Variants in SPTBN1 observed in about 807,000 individuals in gnomAD.
SPTBN1 encodes the protein spectrin beta chain, non-erythrocytic 1.
SPTBN1 carries 32 observed loss-of-function variants against 266.4 expected under a neutral mutation model. The ratio of observed to expected loss-of-function variants is 0.12; its 90% CI spans 0.09 to 0.16. The LOEUF (loss-of-function observed/expected upper bound fraction) is 0.16, where lower values mean the gene tolerates loss of function less well. Ranked by LOEUF, SPTBN1 falls within the 10% of genes least tolerant of loss-of-function variation. SPTBN1 has a pLI of 1.00. For missense variants in SPTBN1, 2,296 were observed against 3,067.1 expected (o/e 0.75, Z 5.94); for synonymous variants, 1,336 against 1,162.2 (o/e 1.15, Z -3.04).
At chr2:54,506,085 C>A (rs1394361196) in intron 1 of SPTBN1, among the ~76,000 whole-genome samples, 3 of 151,982 alleles carry the variant, frequency 2.0e-5, no homozygotes, top group African/African-American at 7.3e-5. Context: ...GATCGCGCCA[C>A]TGCACTCCAG....
chr2:54,621,358 G>A, intron 7 of SPTBN1, 42 bp from the exon 8 acceptor site: 1 of 1,514,192 alleles, frequency 6.6e-7, no homozygotes, highest in Non-Finnish European at 9.2e-7. Flanking sequence ...GTGGGGCACA[G>A]TAGCATGCAA....
rs181737170 is a variant in SPTBN1 at position 54,615,189 on chromosome 2, T to C, written c.475-1018T>C. On this transcript the variant is annotated intron_variant, in intron 4 of 35. Coordinates refer to ENST00000356805, the MANE Select transcript of SPTBN1 (RefSeq NM_003128.3). ...CCCAGGTGTTTTTCCTAGTTGAAAG[T>C]TTCTAACTTTTTAATCCTGTATTTA... Among the ~76,000 whole-genome samples the C allele has an allele frequency of 5.4e-3, 828 of 152,360 alleles. 5 individuals carry two copies. The highest frequency in any genetic ancestry group is 8.1e-3 in the Non-Finnish European group (551 of 68,030).
In SPTBN1 at chr2:54,668,680, A is replaced by G; in HGVS notation, c.*111A>G. ...TGCCTAATGTTCCTCAATGTGGTTGATTTTTTTTTTTTTTTAATTTATAGA... is the reference window on the plus strand; with the variant it reads ...TGCCTAATGTTCCTCAATGTGGTTGGTTTTTTTTTTTTTTTAATTTATAGA... On this transcript the variant is annotated 3_prime_UTR_variant, in exon 36 of 36. Coordinates refer to ENST00000356805, the MANE Select transcript of SPTBN1 (RefSeq NM_003128.3). The G allele has an allele frequency of 1.8e-6, 1 of 552,834 alleles. No individual in the cohort carries two copies. The highest frequency in any genetic ancestry group is 5.3e-5 in the East Asian group (1 of 18,792). 34.2% of individuals were successfully genotyped at this position (552,834 alleles called of 1,614,324 possible). A position where few individuals can be genotyped will look rare whatever the true frequency, so the allele number is the denominator to read the frequency against.
chr2:54,547,932 A>C (rs1672344015), intron 2 of SPTBN1, among the ~76,000 whole-genome samples: 2 of 151,970 alleles, frequency 1.3e-5, no homozygotes, highest in East Asian at 3.9e-4. Flanking sequence ...TCACGAGGTC[A>C]GGAGATCGAG....
Position 54,524,744 on chromosome 2 carries a change from G to A in SPTBN1, c.-47-1628G>A, listed in dbSNP as rs114685904. ...CACCTCCCTCCCTAACCTTGTCTCC[G>A]AGTCTCTCCCGCTGCCCACTAGACT... On this transcript the variant is annotated intron_variant, in intron 1 of 35. Transcript: ENST00000356805. Among the ~76,000 whole-genome samples, 143 of 152,270 alleles carry A rather than the reference G, an allele frequency of 9.4e-4. 1 individual carries two copies. The highest frequency in any genetic ancestry group is 3.3e-3 in the African/African-American group (139 of 41,550).
At chr2:54,550,249 C>T (rs1335583265) in intron 2 of SPTBN1, among the ~76,000 whole-genome samples, 3 of 152,198 alleles carry the variant, frequency 2.0e-5, no homozygotes, top group Non-Finnish European at 2.9e-5. Flanking sequence ...TCCTGAGTGA[C>T]TGGGCTGTCC....
intron 1 of SPTBN1, among the ~76,000 whole-genome samples, chr2:54,475,511 G>C (rs1184151707): frequency 6.6e-6 from 1 of 152,090 alleles, no homozygotes; most frequent in Non-Finnish European, 1.5e-5. Flanking sequence ...TGTTGGACTA[G>C]TTCTGAGGAA....
intron 2 of SPTBN1, among the ~76,000 whole-genome samples, chr2:54,573,935 C>G (rs1325488908): frequency 1.3e-5 from 2 of 152,052 alleles, no homozygotes; most frequent in African/African-American, 2.4e-5. Context: ...AAACAGAACA[C>G]CAGCCCTCCC....
chr2:54,470,638 T>A (rs1034553245), intron 1 of SPTBN1, among the ~76,000 whole-genome samples: 20 of 152,342 alleles, frequency 1.3e-4, no homozygotes, highest in African/African-American at 4.8e-4. Flanking sequence ...TATTAAAAAT[T>A]AGAGAGTACA....
Position 54,623,528 on chromosome 2 carries a change from A to G in SPTBN1, c.1114A>G (p.Lys372Glu). ...LEVLLFTIQSKMRANNQKVYM... is the reference protein window; with the variant it reads ...LEVLLFTIQSEMRANNQKVYM... ...AGTGCTGCTCTTCACCATTCAGAGC[A>G]AGATGAGGGCCAACAACCAGAAGGT... The change falls in exon 10 of 36, where the codon AAG becomes GAG. Residue 372 changes from lysine (K) to glutamate (E), a missense_variant. Lys to Glu is a moderately conservative substitution (Grantham distance 56). Coordinates refer to ENST00000356805, the MANE Select transcript of SPTBN1 (RefSeq NM_003128.3). 8.1e-6 allele frequency: 13 copies of G among 1,614,228 alleles called. No homozygotes were observed. The highest frequency in any genetic ancestry group is 1.1e-5 in the Non-Finnish European group (13 of 1,180,032).
chr2:54,501,443 C>G (rs1228670091), intron 1 of SPTBN1, among the ~76,000 whole-genome samples: 1 of 152,214 alleles, frequency 6.6e-6, no homozygotes, highest in African/African-American at 2.4e-5. Flanking sequence ...CCTTCCTTCT[C>G]CCTTTTAGGG....
rs1306852002 is a variant in SPTBN1, at chr2:54,670,183, A to G, written c.*1614A>G. The G allele has an allele frequency of 3.3e-5, 5 of 152,236 alleles. No homozygotes were observed. Among genetic ancestry groups the G allele is most frequent in the African/African-American group, 1.2e-4 (5 of 41,404 alleles). The allele number at this position is 152,236 out of a possible 1,614,324, so 9.4% of individuals were successfully genotyped here. A position where few individuals can be genotyped will look rare whatever the true frequency, so the allele number is the denominator to read the frequency against. Reference sequence around the variant, plus strand: ...TTAATGATTTCAAAATGTAAAGTCTATTTTATACAGATCAGACCAAAAAGA... The same window carrying G: ...TTAATGATTTCAAAATGTAAAGTCTGTTTTATACAGATCAGACCAAAAAGA... On this transcript the variant is annotated 3_prime_UTR_variant, in exon 36 of 36. Coordinates refer to ENST00000356805, the MANE Select transcript of SPTBN1 (RefSeq NM_003128.3).
intron 2 of SPTBN1, among the ~76,000 whole-genome samples, chr2:54,583,605 T>G (rs1003871060): frequency 3.3e-5 from 5 of 152,224 alleles, no homozygotes; most frequent in African/African-American, 1.2e-4. Context: ...ATTAATATCC[T>G]TAGTGTCTCC....
Position 54,628,102 on chromosome 2 carries a change from A to C in SPTBN1, c.1650A>C (p.Leu550=). ...IMDWMDEMKV[L]VLSQDYGKHL... ...TGGTTGCTTCTTGTGCACAGGTGCT[A>C]GTATTGTCTCAAGACTATGGCAAAC... Residue 550 remains leucine, a synonymous_variant, in exon 13 of 36, where the codon CTA becomes CTC. Transcript: ENST00000356805. This position sits in a 1 kb window ranked among gnomAD's most constrained non-coding sequence, Gnocchi z 4.3. 1.2e-6 allele frequency: 2 copies of C among 1,611,706 alleles called. No homozygotes were observed. Among genetic ancestry groups the C allele is most frequent in the Non-Finnish European group, 1.7e-6 (2 of 1,178,864 alleles).
At position 54,629,801 on chromosome 2, in the gene SPTBN1, C is replaced by T. The variant is rs1271034951; in HGVS notation, c.2667C>T (p.His889=). 13 of 1,609,580 alleles carry T rather than the reference C, an allele frequency of 8.1e-6. No individual in the cohort carries two copies. Among genetic ancestry groups the T allele is most frequent in the Non-Finnish European group, 1.1e-5 (13 of 1,178,684 alleles). ...TGGAGGATCTGGAGGTCATCCAGCA[C>T]AGGTGAGCGGGGCGCTGGTCAGCCA... ...EKLEDLEVIQ[H]RFESLEPEMN... The change falls in exon 14 of 36, where the codon CAC becomes CAT. Residue 889 remains histidine, a splice_region_variant and synonymous_variant. Transcript: ENST00000356805.
chr2:54,523,073 A>C (rs1316472407), intron 1 of SPTBN1, among the ~76,000 whole-genome samples: 2 of 152,220 alleles, frequency 1.3e-5, no homozygotes, highest in African/African-American at 4.8e-5. Flanking sequence ...TCTGATATTG[A>C]TAATAGTCAT....
In SPTBN1 at chr2:54,575,733, G is replaced by T. The variant is rs535169342; in HGVS notation, c.149-23359G>T. On this transcript the variant is annotated intron_variant, in intron 2 of 35. Coordinates refer to ENST00000356805, the MANE Select transcript of SPTBN1 (RefSeq NM_003128.3). ...ATCTGTTATGATGCAATTAAGCAGTGACTCAGTGGCGTGAAGGCTCAGTTT... is the reference window on the plus strand; with the variant it reads ...ATCTGTTATGATGCAATTAAGCAGTTACTCAGTGGCGTGAAGGCTCAGTTT... Among the ~76,000 whole-genome samples the T allele has an allele frequency of 4.8e-4, 73 of 152,344 alleles. No homozygotes were observed. In the South Asian group the frequency reaches 0.014, roughly 29 times the overall value.
chr2:54,502,177 GT>G (rs1669307148), intron 1 of SPTBN1, among the ~76,000 whole-genome samples: 1 of 152,170 alleles, frequency 6.6e-6, no homozygotes, highest in South Asian at 2.1e-4. Flanking sequence ...TAGTGAGACT[GT>G]GGTTCTGATC....
intron 2 of SPTBN1, among the ~76,000 whole-genome samples, chr2:54,560,953 C>G (rs1266283627): frequency 6.6e-6 from 1 of 152,176 alleles, no homozygotes; most frequent in African/African-American, 2.4e-5. Context: ...TAATTCCCAT[C>G]CCTGGTTTTG....
Sources: gnomAD v4.1 joint callset for allele counts (sites outside exome capture counted in the v4.1 genomes callset) on GRCh38, gnomAD v4.1.1 for gene constraint, Gnocchi (gnomAD v3.1) non-coding constraint, MANE v1.5 for transcripts, NCBI Gene and HGNC (gene_info 2026-07-23, HGNC 2026-07-21) for gene names.